Variants in COIL observed in about 807,000 individuals in gnomAD.
COIL encodes the protein coilin, also known as coilin p80.
COIL carries 28 observed loss-of-function variants against 51.6 expected under a neutral mutation model. That is an observed-to-expected ratio of 0.54 (90% CI 0.40 to 0.74). The LOEUF (loss-of-function observed/expected upper bound fraction) is 0.74. Ranked by LOEUF, COIL falls within the 30% of genes least tolerant of loss-of-function variation. The pLI is 0.00. For missense variants in COIL, 667 were observed against 685.9 expected, an observed-to-expected ratio of 0.97 and a Z score of 0.31; for synonymous variants, 233 against 255.8, an observed-to-expected ratio of 0.91 and a Z score of 0.85.
chr17:56,942,182 T>C, intron 5 of COIL, 59 bp from the exon 6 acceptor site: 5 of 1,300,148 alleles, frequency 3.8e-6, no homozygotes, highest in Non-Finnish European at 5.6e-6. Context: ...TTAAAAATGT[T>C]CCTCTATGGG....
At chr17:56,959,429 G>T (rs34456085) in intron 1 of COIL, among the ~76,000 whole-genome samples, 1 of 152,090 alleles carries the variant, frequency 6.6e-6, no homozygotes, top group African/African-American at 2.4e-5. Context: ...ATCTTACTGT[G>T]GCAACTCAAC....
At position 56,960,855 on chromosome 17, in the gene COIL, G is replaced by A. The variant is rs575780683; in HGVS notation, c.165C>T (p.Ala55=). The change falls in exon 1 of 7, where the codon GCC becomes GCT. Residue 55 remains alanine (A), a synonymous_variant. Transcript: ENST00000240316. ...CCCCCTCCAGGTAGAGGCCTAGGAA[G>A]GCCCCAGAACTGAAGCCGAAGCGCT... ...IRQRFGFSSG[A]FLGLYLEGGL... is the part of the protein sequence containing the mutation. 1 of 1,613,260 alleles carries A rather than the reference G, an allele frequency of 6.2e-7. No homozygotes were observed. Among genetic ancestry groups the A allele is most frequent in the East Asian group, 2.2e-5 (1 of 44,836 alleles).
intron 6 of COIL, among the ~76,000 whole-genome samples, chr17:56,941,592 G>A (rs1424720694): frequency 1.3e-5 from 2 of 152,246 alleles, no homozygotes; most frequent in Admixed American, 6.5e-5. Context: ...TGGAACTGTG[G>A]TAACACTTGG....
At chr17:56,939,232 C>A in intron 6 of COIL, 78 bp from the exon 7 acceptor site, 1 of 810,506 alleles carries the variant, frequency 1.2e-6, no homozygotes, top group Admixed American at 2.0e-5. Flanking sequence ...CGTAAATTTT[C>A]CGTCTGTGTA....
chr17:56,943,627 G>A (rs757492259), intron 5 of COIL, among the ~76,000 whole-genome samples: 1 of 152,184 alleles, frequency 6.6e-6, no homozygotes, highest in Non-Finnish European at 1.5e-5. Context: ...AGTCACTGAC[G>A]GACTCTGAAA....
chr17:56,946,650 A>G, intron 4 of COIL, 139 bp from the exon 5 acceptor site: 1 of 577,066 alleles, frequency 1.7e-6, no homozygotes. Context: ...TGAAAAATTT[A>G]GAAATAAATC....
Position 56,950,103 on chromosome 17 carries a change from C to A in COIL, c.1139G>T (p.Gly380Val). ...AGGGAGAGACACACTGGGAGAAGCACCAGGAGCCTGTCCACCACCATTTGA... is the reference window on the plus strand; with the variant it reads ...AGGGAGAGACACACTGGGAGAAGCAACAGGAGCCTGTCCACCACCATTTGA... Reference protein sequence around the residue: ...SGSNGGGQAPGASPSVSLPAS... With the variant: ...SGSNGGGQAPVASPSVSLPAS... Residue 380 changes from glycine (G) to valine (V), a missense_variant, in exon 2 of 7, where the codon GGT becomes GTT. By Grantham distance (109) the Gly-to-Val change is moderately radical. Coordinates refer to ENST00000240316, the MANE Select transcript of COIL (RefSeq NM_004645.3). The A allele has an allele frequency of 1.2e-6, 2 of 1,614,178 alleles. No homozygotes were observed. Among genetic ancestry groups the A allele is most frequent in the South Asian group, 1.1e-5 (1 of 91,078 alleles).
intron 1 of COIL, among the ~76,000 whole-genome samples, chr17:56,955,591 C>T (rs34106884): frequency 6.6e-6 from 1 of 152,114 alleles, no homozygotes; most frequent in African/African-American, 2.4e-5. Flanking sequence ...AAAATCATTA[C>T]CTCAGCCTTT....
chr17:56,942,183 C>T, intron 5 of COIL, 60 bp from the exon 6 acceptor site: 2 of 1,286,966 alleles, frequency 1.6e-6, no homozygotes, highest in South Asian at 1.2e-5. Flanking sequence ...TAAAAATGTT[C>T]CTCTATGGGG....
intron 1 of COIL, among the ~76,000 whole-genome samples, chr17:56,956,984 C>T (rs1306295154): frequency 2.0e-5 from 3 of 152,150 alleles, no homozygotes; most frequent in Admixed American, 6.5e-5. Flanking sequence ...AAGGGAGTTT[C>T]TCAGGCCGGG....
At chr17:56,945,382 A>G (rs1910229654) in intron 5 of COIL, among the ~76,000 whole-genome samples, 2 of 152,166 alleles carry the variant, frequency 1.3e-5, no homozygotes, top group Non-Finnish European at 2.9e-5. Flanking sequence ...TTCTAAAGGA[A>G]AAGGAATCTC....
At chr17:56,954,123 T>A (rs1910436230) in intron 1 of COIL, among the ~76,000 whole-genome samples, 3 of 152,166 alleles carry the variant, frequency 2.0e-5, no homozygotes, top group African/African-American at 4.8e-5. Context: ...GTTGCAAGTC[T>A]CTGTTCAGTC....
chr17:56,942,006 A>G (rs1175773114), intron 6 of COIL, 29 bp downstream of exon 6: 1 of 1,570,940 alleles, frequency 6.4e-7, no homozygotes, highest in South Asian at 1.1e-5. Context: ...ACGAATGGCC[A>G]AGCAACGCAA....
At chr17:56,952,107 C>A in intron 1 of COIL, 1 of 409,318 alleles carries the variant, frequency 2.4e-6, no homozygotes, top group South Asian at 1.9e-5. Context: ...TCGCACCCAG[C>A]CCCATCGTCC....
intron 6 of COIL, 104 bp from the exon 7 acceptor site, chr17:56,939,258 G>T: frequency 1.5e-6 from 1 of 689,294 alleles, no homozygotes; most frequent in Non-Finnish European, 2.6e-6. Flanking sequence ...ATTGAAGAAC[G>T]GGAATAATTT....
chr17:56,954,616 C>G (rs1410839221), intron 1 of COIL, among the ~76,000 whole-genome samples: 1 of 151,822 alleles, frequency 6.6e-6, no homozygotes, highest in East Asian at 1.9e-4. Flanking sequence ...GAAGGTATGA[C>G]CTGTGATTCC....
intron 6 of COIL, 41 bp downstream of exon 6, chr17:56,941,994 G>C: frequency 6.7e-7 from 1 of 1,498,434 alleles, no homozygotes; most frequent in African/African-American, 1.4e-5. Context: ...GGTCAAGAGA[G>C]AACGAATGGC....
intron 6 of COIL, among the ~76,000 whole-genome samples, chr17:56,940,405 C>G (rs2144389292): frequency 6.6e-6 from 1 of 152,268 alleles, no homozygotes; most frequent in South Asian, 2.1e-4. Context: ...GCCACGGTGC[C>G]CAGCCTAATT....
At chr17:56,951,711 A>G (rs1441448964) in intron 1 of COIL, 1 of 153,152 alleles carries the variant, frequency 6.5e-6, no homozygotes, top group African/African-American at 2.4e-5. Flanking sequence ...GAGCATCAAC[A>G]AAGCTGAAAA....
Sources: allele counts gnomAD v4.1 joint callset (sites outside exome capture counted in the v4.1 genomes callset), GRCh38; gene constraint gnomAD v4.1.1; transcripts MANE v1.5; gene names NCBI Gene and HGNC (gene_info 2026-07-23, HGNC 2026-07-21).